Variants in TACR1 observed in about 807,000 individuals in gnomAD.
The protein encoded by TACR1 is substance-P receptor.
A neutral mutation model predicts 35.8 loss-of-function variants in TACR1; 25 were observed. That is an observed-to-expected ratio of 0.70 (90% CI 0.51 to 0.98). The LOEUF (loss-of-function observed/expected upper bound fraction) is 0.98, where lower values mean the gene tolerates loss of function less well. TACR1 is among the 50% of genes least tolerant of loss of function. The pLI, the probability that TACR1 is intolerant of heterozygous loss-of-function variation, is 0.00. For synonymous variants in TACR1, 195 were observed against 206.7 expected (o/e 0.94, Z 0.48); for missense variants, 478 against 522.9 (o/e 0.91, Z 0.84).
chr2:75,165,469 C>T (rs1044611052), intron 1 of TACR1, among the ~76,000 whole-genome samples: 4 of 152,000 alleles, frequency 2.6e-5, no homozygotes, highest in African/African-American at 9.7e-5. Context: ...CCACCATGCC[C>T]AGCTAATTTT....
At chr2:75,110,819 CTGT>C (rs1673735511) in intron 2 of TACR1, among the ~76,000 whole-genome samples, 1 of 151,912 alleles carries the variant, frequency 6.6e-6, no homozygotes, top group South Asian at 2.1e-4. Context: ...TACATAATTG[CTGT>C]TAAGACTTTC....
intron 2 of TACR1, among the ~76,000 whole-genome samples, chr2:75,099,061 C>T (rs1394231568): frequency 1.3e-5 from 2 of 152,112 alleles, no homozygotes; most frequent in African/African-American, 4.8e-5. Flanking sequence ...ACATATCCTG[C>T]CACATCTTCT....
chr2:75,105,301 G>A (rs1028358402), intron 2 of TACR1, among the ~76,000 whole-genome samples: 2 of 152,004 alleles, frequency 1.3e-5, no homozygotes, highest in Admixed American at 6.6e-5. Context: ...AATACTGCAC[G>A]ATCTCATTGA....
At position 75,161,578 on chromosome 2, in the gene TACR1, C is replaced by T. The variant is rs570450499; in HGVS notation, c.389+36968G>A. Among the ~76,000 whole-genome samples the T allele has an allele frequency of 3.4e-4, 51 of 151,958 alleles. 1 individual carries two copies. The Middle Eastern group carries it at 0.01, about 30-fold the overall frequency. ...CTACCAGGAAAATAACAACAGAATGCGCAACTTTCAAGTCATGAGACAAAA... is the reference window on the plus strand; with the variant it reads ...CTACCAGGAAAATAACAACAGAATGTGCAACTTTCAAGTCATGAGACAAAA... On this transcript the variant is annotated intron_variant, in intron 1 of 4. Transcript: ENST00000305249.
At chr2:75,174,250 C>T (rs1572979376) in intron 1 of TACR1, among the ~76,000 whole-genome samples, 1 of 152,186 alleles carries the variant, frequency 6.6e-6, no homozygotes, top group East Asian at 1.9e-4. Flanking sequence ...ACTTGCTAAG[C>T]ATACAACACC....
At chr2:75,156,639 G>A in intron 1 of TACR1, among the ~76,000 whole-genome samples, 1 of 149,770 alleles carries the variant, frequency 6.7e-6, no homozygotes, top group South Asian at 2.2e-4. Flanking sequence ...TTCTACCCAA[G>A]AGTGTCTGGA....
At chr2:75,190,288 G>A (rs1393593280) in intron 1 of TACR1, among the ~76,000 whole-genome samples, 1 of 152,146 alleles carries the variant, frequency 6.6e-6, no homozygotes, top group Non-Finnish European at 1.5e-5. Context: ...CTTAGGGGAT[G>A]GTGTAAAAGA....
chr2:75,099,699 A>G (rs560854483), intron 2 of TACR1, among the ~76,000 whole-genome samples: 3 of 151,976 alleles, frequency 2.0e-5, no homozygotes, highest in African/African-American at 7.3e-5. Context: ...CTCAGACACC[A>G]CACCTCTAGT....
At chr2:75,070,185 C>A (rs561016934) in intron 2 of TACR1, among the ~76,000 whole-genome samples, 1 of 151,592 alleles carries the variant, frequency 6.6e-6, no homozygotes, top group African/African-American at 2.4e-5. Flanking sequence ...ACATTAGAAG[C>A]CCATTCAATT....
chr2:75,098,587 G>A (rs1673469485), intron 2 of TACR1, among the ~76,000 whole-genome samples: 1 of 152,150 alleles, frequency 6.6e-6, no homozygotes, highest in African/African-American at 2.4e-5. Context: ...ACAAAGCCTT[G>A]AAGTGAGCGA....
intron 1 of TACR1, 89 bp from the exon 2 acceptor site, chr2:75,120,857 C>A: frequency 9.7e-7 from 1 of 1,035,820 alleles, no homozygotes; most frequent in Non-Finnish European, 1.4e-6. Context: ...TAAGAAAATT[C>A]ATAGAAACCC....
At chr2:75,091,668 T>A (rs1178167598) in intron 2 of TACR1, among the ~76,000 whole-genome samples, 1 of 152,216 alleles carries the variant, frequency 6.6e-6, no homozygotes, top group Non-Finnish European at 1.5e-5. Flanking sequence ...TACTTTTTCA[T>A]ATCACTCTTA....
chr2:75,143,301 A>G (rs576561155), intron 1 of TACR1, among the ~76,000 whole-genome samples: 1 of 152,320 alleles, frequency 6.6e-6, no homozygotes, highest in Admixed American at 6.5e-5. Flanking sequence ...AACATTTTTG[A>G]CCATGTTTTC....
intron 1 of TACR1, among the ~76,000 whole-genome samples, chr2:75,174,586 G>A (rs542595979): frequency 6.6e-5 from 10 of 152,200 alleles, no homozygotes; most frequent in Admixed American, 2.6e-4. Flanking sequence ...AACCCTGGTT[G>A]ACCGTGGGTA....
chr2:75,053,491 C>G lies in TACR1; in HGVS notation c.735+114G>C, dbSNP rs1672509487. 6 of 1,319,252 alleles carry G rather than the reference C, an allele frequency of 4.5e-6. No homozygotes were observed. In the South Asian group the frequency reaches 1.0e-4, roughly 22 times the overall value. 81.7% of individuals were successfully genotyped at this position (1,319,252 alleles called of 1,614,324 possible). Reference sequence around the variant, plus strand: ...TCCTCTCCTCCTCTCTGTTGCTCCCCATACCTGGGGATATTTTGTGCTAGC... The same window carrying G: ...TCCTCTCCTCCTCTCTGTTGCTCCCGATACCTGGGGATATTTTGTGCTAGC... On this transcript the variant is annotated intron_variant, in intron 3 of 4. Transcript: ENST00000305249.
In TACR1 at chr2:75,056,220, C is replaced by G. The variant is rs1428964765; in HGVS notation, c.585-2465G>C. Among the ~76,000 whole-genome samples, 8 of 152,278 alleles carry G rather than the reference C, an allele frequency of 5.3e-5. No homozygotes were observed. In the East Asian group the frequency reaches 1.5e-3, roughly 29 times the overall value. ...GTATCTGATACTTTGGCATCTGGGTCCCTGCAGCTCAGGGAGGGACTGTTT... is the reference window on the plus strand; with the variant it reads ...GTATCTGATACTTTGGCATCTGGGTGCCTGCAGCTCAGGGAGGGACTGTTT... On this transcript the variant is annotated intron_variant, in intron 2 of 4. Transcript: ENST00000305249.
In TACR1 at chr2:75,136,748, T is replaced by C. The variant is rs741420; in HGVS notation, c.390-15980A>G. On this transcript the variant is annotated intron_variant, in intron 1 of 4. Transcript: ENST00000305249. ...ATCAAATAAGACAAAAGTTAAGAAA[T>C]TGTAATTGTTATGTGAGGCATTGTT... is the stretch of plus-strand genomic sequence containing the variant. Among the ~76,000 whole-genome samples the C allele has an allele frequency of 2.0e-3, 306 of 152,268 alleles. 1 individual carries two copies. Among genetic ancestry groups the C allele is most frequent in the African/African-American group, 7.1e-3 (297 of 41,558 alleles).
At chr2:75,123,374 A>T (rs547768941) in intron 1 of TACR1, among the ~76,000 whole-genome samples, 13 of 152,288 alleles carry the variant, frequency 8.5e-5, no homozygotes, top group African/African-American at 3.1e-4. Context: ...AACAAATCCT[A>T]ACACCACTCC....
rs544766325 is a variant in TACR1 at position 75,171,991 on chromosome 2, A to G, written c.389+26555T>C. Among the ~76,000 whole-genome samples, 356 of 152,246 alleles carry G rather than the reference A, an allele frequency of 2.3e-3. 3 individuals carry two copies. Among genetic ancestry groups the G allele is most frequent in the African/African-American group, 8.3e-3 (346 of 41,530 alleles). ...GCATGATTGGTTTGGAAATGTGAGG[A>G]TGTGAGAGGGACCATGGGTGGAATT... On this transcript the variant is annotated intron_variant, in intron 1 of 4. Coordinates refer to ENST00000305249, the MANE Select transcript of TACR1 (RefSeq NM_001058.4).
Sources: allele counts gnomAD v4.1 joint callset (sites outside exome capture counted in the v4.1 genomes callset), GRCh38; gene constraint gnomAD v4.1.1; transcripts MANE v1.5; gene names NCBI Gene and HGNC (gene_info 2026-07-23, HGNC 2026-07-21).